Variants in IPCEF1 observed in about 807,000 individuals in gnomAD.
IPCEF1 encodes interactor protein for cytohesin exchange factors 1.
In IPCEF1, 31 loss-of-function variants were observed where a neutral mutation model predicts 50.9. That is an observed-to-expected ratio of 0.61 (90% CI 0.46 to 0.82). The LOEUF (loss-of-function observed/expected upper bound fraction) is 0.82, where lower values mean the gene tolerates loss of function less well. Ranked by LOEUF, IPCEF1 falls within the 40% of genes least tolerant of loss-of-function variation. The probability of loss-of-function intolerance (pLI) is 0.00; values close to 1 mark genes in which losing one functional copy is unlikely to be tolerated. For missense variants in IPCEF1, 458 were observed against 514.0 expected, an observed-to-expected ratio of 0.89 and a Z score of 1.05; for synonymous variants, 181 against 192.0, an observed-to-expected ratio of 0.94 and a Z score of 0.47.
chr6:154,349,334 G>A (rs1167266344), intron 1 of IPCEF1, among the ~76,000 whole-genome samples: 1 of 151,410 alleles, frequency 6.6e-6, no homozygotes, highest in Non-Finnish European at 1.5e-5. Context: ...TGAGACTACA[G>A]GCATGCTCTA....
chr6:154,350,328 T>C (rs1784099821), intron 1 of IPCEF1, among the ~76,000 whole-genome samples: 1 of 152,228 alleles, frequency 6.6e-6, no homozygotes, highest in Non-Finnish European at 1.5e-5. Flanking sequence ...ATCTAACAAG[T>C]AACCAAATTG....
chr6:154,246,123 A>G (rs1326204685), intron 5 of IPCEF1, among the ~76,000 whole-genome samples: 1 of 152,152 alleles, frequency 6.6e-6, no homozygotes, highest in African/African-American at 2.4e-5. Flanking sequence ...GGGGGAAAGA[A>G]GGGGAAGAAG....
chr6:154,216,959 AC>A, intron 7 of IPCEF1: 1 of 162,612 alleles, frequency 6.1e-6, no homozygotes, highest in Non-Finnish European at 1.4e-5. Context: ...GACCCAAAAA[AC>A]CCCATAAAAC....
At chr6:154,323,478 G>GTTTATTTAGTATTTACAAATAAACA (rs1783442243) in intron 1 of IPCEF1, among the ~76,000 whole-genome samples, 6 of 150,894 alleles carry the variant, frequency 4.0e-5, no homozygotes, top group East Asian at 1.9e-4. Context: ...ACAAATAAAC[G>GTTTATTTAGTATTTACAAATAAACA]TTTATTTAGT....
chr6:154,279,405 G>A (rs1782152291), intron 2 of IPCEF1, among the ~76,000 whole-genome samples: 3 of 152,304 alleles, frequency 2.0e-5, no homozygotes, highest in African/African-American at 2.4e-5. Flanking sequence ...AGATGACTCT[G>A]GCTAGTGCTT....
At chr6:154,227,819 T>G (rs1470562595) in intron 5 of IPCEF1, among the ~76,000 whole-genome samples, 2 of 152,230 alleles carry the variant, frequency 1.3e-5, no homozygotes, top group Non-Finnish European at 2.9e-5. Flanking sequence ...ACAGCTGAGA[T>G]TCCCTTAAAC....
intron 9 of IPCEF1, among the ~76,000 whole-genome samples, chr6:154,206,074 T>C (rs1039280662): frequency 2.2e-4 from 34 of 152,132 alleles, no homozygotes; most frequent in Admixed American, 2.0e-4. Flanking sequence ...GGCACCCCCA[T>C]ATTGGTAACA....
chr6:154,205,522 GA>G (rs1325148069), intron 9 of IPCEF1, among the ~76,000 whole-genome samples: 1 of 152,178 alleles, frequency 6.6e-6, no homozygotes, highest in Admixed American at 6.5e-5. Context: ...TTGAACCCAG[GA>G]GGCGGAAGTT....
intron 5 of IPCEF1, among the ~76,000 whole-genome samples, chr6:154,239,904 G>T (rs951227589): frequency 6.6e-6 from 1 of 152,130 alleles, no homozygotes; most frequent in African/African-American, 2.4e-5. Context: ...GTTTCACCAT[G>T]TTGGCCAGGC....
intron 1 of IPCEF1, among the ~76,000 whole-genome samples, chr6:154,313,067 C>CA (rs71021040): frequency 0.035 from 2,062 of 59,014 alleles, 117 homozygotes; most frequent in Middle Eastern, 0.057. Context: ...GGCCCTGTCT[C>CA]AAAAAAAAAA....
chr6:154,215,465 G>A (rs961642902), intron 7 of IPCEF1, among the ~76,000 whole-genome samples: 2 of 152,044 alleles, frequency 1.3e-5, no homozygotes, highest in Admixed American at 1.3e-4. Flanking sequence ...AATTAGCCGG[G>A]TGTGGTGGCG....
intron 10 of IPCEF1, among the ~76,000 whole-genome samples, chr6:154,173,358 A>G (rs1562523128): frequency 6.6e-6 from 1 of 152,198 alleles, no homozygotes; most frequent in Non-Finnish European, 1.5e-5. Context: ...AAGGTGGGTA[A>G]TAACAAACTT....
At chr6:154,314,720 T>C (rs1783169680) in intron 1 of IPCEF1, among the ~76,000 whole-genome samples, 1 of 152,126 alleles carries the variant, frequency 6.6e-6, no homozygotes, top group South Asian at 2.1e-4. Flanking sequence ...TAGCTCTTAG[T>C]TTTGTAAAAG....
intron 5 of IPCEF1, among the ~76,000 whole-genome samples, chr6:154,244,291 T>TGTGGGGGG (rs1780841200): frequency 1.0e-5 from 1 of 98,280 alleles, no homozygotes; most frequent in African/African-American, 4.7e-5. Context: ...ATTCGGTGTG[T>TGTGGGGGG]GTGTGGGTGG....
intron 1 of IPCEF1, among the ~76,000 whole-genome samples, chr6:154,319,729 C>T (rs370525947): frequency 2.6e-5 from 4 of 152,174 alleles, no homozygotes; most frequent in South Asian, 2.1e-4. Context: ...CAAGTGGCTC[C>T]GGGTGTGATA....
chr6:154,263,692 A>C (rs1435633495), intron 3 of IPCEF1, among the ~76,000 whole-genome samples: 9 of 72,480 alleles, frequency 1.2e-4, no homozygotes, highest in Middle Eastern at 8.8e-3. Context: ...TCTCTTCCCC[A>C]CCCTTCCCCC....
chr6:154,323,086 T>C (rs934165834), intron 1 of IPCEF1, among the ~76,000 whole-genome samples: 1 of 152,206 alleles, frequency 6.6e-6, no homozygotes, highest in Non-Finnish European at 1.5e-5. Flanking sequence ...TTGTCAGCTC[T>C]GCATCCCATG....
chr6:154,290,979 C>T (rs548821855), intron 1 of IPCEF1, among the ~76,000 whole-genome samples: 6 of 149,488 alleles, frequency 4.0e-5, no homozygotes, highest in African/African-American at 1.2e-4. Flanking sequence ...CTGCAACCTC[C>T]GCCTCCCAGG....
chr6:154,221,139 C>A, intron 7 of IPCEF1, 118 bp downstream of exon 7: 1 of 733,732 alleles, frequency 1.4e-6, no homozygotes, highest in Non-Finnish European at 2.2e-6. Flanking sequence ...TAAATTAATC[C>A]TTAAAGTAAC....
Sources: allele counts gnomAD v4.1 joint callset (sites outside exome capture counted in the v4.1 genomes callset), GRCh38; gene constraint gnomAD v4.1.1; transcripts MANE v1.5; gene names NCBI Gene and HGNC (gene_info 2026-07-23, HGNC 2026-07-21).